The following OCIAD1 variants were observed in gnomAD, a reference collection of about 807,000 sequenced individuals.
The protein encoded by OCIAD1 is OCIA domain-containing protein 1.
In OCIAD1, 29 loss-of-function variants were observed where a neutral mutation model predicts 38.9. That is an observed-to-expected ratio of 0.74 (90% confidence interval 0.55 to 1.02). OCIAD1 has a LOEUF of 1.02. Ranked by LOEUF, OCIAD1 falls within the 50% of genes least tolerant of loss-of-function variation. The pLI is 0.00. For synonymous variants in OCIAD1, 110 were observed against 92.0 expected, an observed-to-expected ratio of 1.20 and a Z score of -1.12; for missense variants, 288 against 289.6, an observed-to-expected ratio of 0.99 and a Z score of 0.04.
At chr4:48,857,687 G>C (rs943066371) in intron 8 of OCIAD1, among the ~76,000 whole-genome samples, 11 of 152,012 alleles carry the variant, frequency 7.2e-5, no homozygotes, top group Admixed American at 7.2e-4. Flanking sequence ...CTAATTTTTT[G>C]TATTTTTAGT....
chr4:48,831,423 C>T, intron 1 of OCIAD1, 174 bp downstream of exon 1: 13 of 1,151,804 alleles, frequency 1.1e-5, no homozygotes, highest in Non-Finnish European at 1.5e-5. Context: ...CGACGGAGTG[C>T]TTCTGGGGGT....
intron 1 of OCIAD1, among the ~76,000 whole-genome samples, chr4:48,816,862 C>T (rs1032540203): frequency 2.0e-5 from 3 of 152,018 alleles, no homozygotes; most frequent in South Asian, 2.1e-4. Flanking sequence ...TCCTGCTACT[C>T]GGGAGGCTGA....
intron 3 of OCIAD1, among the ~76,000 whole-genome samples, chr4:48,837,453 C>T (rs1304945353): frequency 6.6e-6 from 1 of 151,590 alleles, no homozygotes; most frequent in Non-Finnish European, 1.5e-5. Context: ...CCACCATGCT[C>T]AGCTAATTTT....
At chr4:48,841,355 A>G (rs4695407) in intron 3 of OCIAD1, among the ~76,000 whole-genome samples, 76,974 of 152,026 alleles carry the variant, frequency 0.51, 19,819 homozygotes, top group South Asian at 0.6. Context: ...GAAAGGATAT[A>G]AAGCAAAATC....
At chr4:48,839,122 A>G (rs551614568) in intron 3 of OCIAD1, among the ~76,000 whole-genome samples, 12 of 152,334 alleles carry the variant, frequency 7.9e-5, no homozygotes, top group African/African-American at 2.6e-4. Flanking sequence ...ACTAGTTTTC[A>G]AATGATACAG....
intron 3 of OCIAD1, among the ~76,000 whole-genome samples, chr4:48,839,682 T>G (rs779119192): frequency 6.6e-6 from 1 of 152,176 alleles, no homozygotes; most frequent in South Asian, 2.1e-4. Flanking sequence ...AATAAAAATT[T>G]TTATTGACTA....
chr4:48,836,096 GGTTA>G (rs145077039), intron 3 of OCIAD1, among the ~76,000 whole-genome samples: 2 of 152,176 alleles, frequency 1.3e-5, no homozygotes, highest in Admixed American at 6.5e-5. Flanking sequence ...TTTTAAGGAA[GGTTA>G]GTTAACAGTG....
chr4:48,827,694 A>G (rs1440367785), upstream of OCIAD1, among the ~76,000 whole-genome samples: 1 of 152,264 alleles, frequency 6.6e-6, no homozygotes, highest in Admixed American at 6.5e-5. Flanking sequence ...CAGAAACTCA[A>G]TTTATTGATT....
intron 3 of OCIAD1, among the ~76,000 whole-genome samples, chr4:48,834,653 C>T (rs1042207912): frequency 1.3e-5 from 2 of 152,000 alleles, no homozygotes; most frequent in Non-Finnish European, 1.5e-5. Flanking sequence ...TAGCTGTAAT[C>T]GCAACCATTT....
Position 48,838,251 on chromosome 4 carries a change from G to A in OCIAD1, c.140-4385G>A, listed in dbSNP as rs1778184992. ...GAGAATCGCTTGAACCCGGGAGGCAGAGGTTGCAGCAAGCCAAGATCGTGC... is the reference window on the plus strand; with the variant it reads ...GAGAATCGCTTGAACCCGGGAGGCAAAGGTTGCAGCAAGCCAAGATCGTGC... On this transcript the variant is annotated intron_variant, in intron 3 of 8. Transcript: ENST00000264312. 2.0e-5 allele frequency among the ~76,000 whole-genome samples: 3 copies of A among 151,680 alleles called. No individual in the cohort carries two copies. In the South Asian group the frequency reaches 6.2e-4, roughly 32 times the overall value.
intron 1 of OCIAD1, among the ~76,000 whole-genome samples, chr4:48,819,353 A>AT (rs1777169157): frequency 6.6e-6 from 1 of 152,080 alleles, no homozygotes; most frequent in African/African-American, 2.4e-5. Flanking sequence ...ATGCTGAGGG[A>AT]TTTTTCTCAC....
intron 1 of OCIAD1, among the ~76,000 whole-genome samples, chr4:48,823,163 G>A (rs1340320000): frequency 2.0e-5 from 3 of 152,046 alleles, no homozygotes; most frequent in Non-Finnish European, 2.9e-5. Flanking sequence ...ATGATAGACC[G>A]GATAAAGAAA....
intron 1 of OCIAD1, among the ~76,000 whole-genome samples, chr4:48,810,260 G>A (rs570986425): frequency 1.3e-5 from 2 of 152,058 alleles, no homozygotes; most frequent in East Asian, 1.9e-4. Context: ...ACGAGGTCAG[G>A]AGATCGAAAC....
At chr4:48,814,239 GTT>G (rs530042723) in intron 1 of OCIAD1, among the ~76,000 whole-genome samples, 12 of 139,112 alleles carry the variant, frequency 8.6e-5, no homozygotes, top group Non-Finnish European at 9.4e-5. Context: ...CTGTGGAGGG[GTT>G]TTTTTTTTTT....
Position 48,852,075 on chromosome 4 carries a change from T to C in OCIAD1, c.547+100T>C, listed in dbSNP as rs1779533491. 3.6e-6 allele frequency: 3 copies of C among 828,020 alleles called. No individual in the cohort carries two copies. The African/African-American group carries it at 5.2e-5, about 14-fold the overall frequency. 51.3% of individuals were successfully genotyped at this position (828,020 alleles called of 1,614,324 possible). A position where few individuals can be genotyped will look rare whatever the true frequency, so the allele number is the denominator to read the frequency against. On this transcript the variant is annotated intron_variant, in intron 7 of 8. Coordinates refer to ENST00000264312, the MANE Select transcript of OCIAD1 (RefSeq NM_017830.4). Reference sequence around the variant, plus strand: ...TCTGCTGGATATCACCTGTGTGTTCTACCATCAATCATCAACCTAAACTCA... The same window carrying C: ...TCTGCTGGATATCACCTGTGTGTTCCACCATCAATCATCAACCTAAACTCA...
chr4:48,847,183 TC>T (rs1432935817), intron 4 of OCIAD1, among the ~76,000 whole-genome samples: 1 of 152,228 alleles, frequency 6.6e-6, no homozygotes, highest in African/African-American at 2.4e-5. Flanking sequence ...AATTTGTATT[TC>T]CCTGTAACCA....
upstream of OCIAD1, among the ~76,000 whole-genome samples, chr4:48,829,854 G>C (rs1777341186): frequency 6.6e-6 from 1 of 152,236 alleles, no homozygotes; most frequent in Non-Finnish European, 1.5e-5. Flanking sequence ...CTCTGTAACA[G>C]AGACAGACGT....
At chr4:48,852,648 T>C (rs145148482) in intron 7 of OCIAD1, 1 of 152,280 alleles carries the variant, frequency 6.6e-6, no homozygotes, top group Non-Finnish European at 1.5e-5. Context: ...CCTTTCAGTT[T>C]CTTGATCAGT....
At chr4:48,834,827 T>A (rs1777839246) in intron 3 of OCIAD1, among the ~76,000 whole-genome samples, 1 of 152,170 alleles carries the variant, frequency 6.6e-6, no homozygotes, top group Non-Finnish European at 1.5e-5. Flanking sequence ...AGGATGTATG[T>A]TTTCATCAGT....
Sources: gnomAD v4.1 joint callset for allele counts (sites outside exome capture counted in the v4.1 genomes callset) on GRCh38, gnomAD v4.1.1 for gene constraint, MANE v1.5 for transcripts, NCBI Gene and HGNC (gene_info 2026-07-23, HGNC 2026-07-21) for gene names.